Variants in ZNF365 observed in about 807,000 individuals in gnomAD.
ZNF365 encodes protein ZNF365.
In ZNF365, 22 loss-of-function variants were observed where a neutral mutation model predicts 35.0. The ratio of observed to expected loss-of-function variants is 0.63; its 90% CI spans 0.45 to 0.90. The LOEUF is 0.90. Ranked by LOEUF, ZNF365 falls within the 40% of genes least tolerant of loss-of-function variation. ZNF365 has a pLI of 0.00. For missense variants in ZNF365, 448 were observed against 500.3 expected, an observed-to-expected ratio of 0.90 and a Z score of 1.00; for synonymous variants, 188 against 196.2, an observed-to-expected ratio of 0.96 and a Z score of 0.35.
chr10:62,451,465 G>T (rs1049776892), intron 3 of ZNF365, among the ~76,000 whole-genome samples: 1 of 152,050 alleles, frequency 6.6e-6, no homozygotes, highest in Admixed American at 6.6e-5. Flanking sequence ...TGAGGGTTAG[G>T]GCTGGTGGTA....
At chr10:62,469,681 TTAA>T (rs1841001718) in intron 4 of ZNF365, among the ~76,000 whole-genome samples, 1 of 152,190 alleles carries the variant, frequency 6.6e-6, no homozygotes, top group East Asian at 1.9e-4. Flanking sequence ...TTATATAATA[TTAA>T]TAATAATGGT....
intron 2 of ZNF365, among the ~76,000 whole-genome samples, chr10:62,387,503 A>C (rs10995139): frequency 0.5 from 76,017 of 152,038 alleles, 22,392 homozygotes; most frequent in East Asian, 0.78. Context: ...AAATGAAAGC[A>C]AAATATAAGA....
At chr10:62,427,290 T>G (rs1031579304) in intron 3 of ZNF365, among the ~76,000 whole-genome samples, 4 of 152,208 alleles carry the variant, frequency 2.6e-5, no homozygotes, top group African/African-American at 9.6e-5. Flanking sequence ...ATTTTTACTG[T>G]ACCTTTAGTA....
chr10:62,381,914 A>T (rs1839446071), intron 2 of ZNF365, among the ~76,000 whole-genome samples: 1 of 152,174 alleles, frequency 6.6e-6, no homozygotes, highest in African/African-American at 2.4e-5. Context: ...CATGCAGAAG[A>T]CAAATCTTTA....
At chr10:62,422,150 C>A (rs1202164269) in intron 3 of ZNF365, among the ~76,000 whole-genome samples, 1 of 151,970 alleles carries the variant, frequency 6.6e-6, no homozygotes, top group Non-Finnish European at 1.5e-5. Context: ...TAGGAAGGAA[C>A]CAGTATTTTA....
chr10:62,379,168 G>A (rs979155310), intron 2 of ZNF365, among the ~76,000 whole-genome samples: 4 of 151,884 alleles, frequency 2.6e-5, no homozygotes, highest in Non-Finnish European at 4.4e-5. Flanking sequence ...GGTTACAGGC[G>A]CCCACCACTG....
At chr10:62,457,414 A>T (rs548891525) in intron 3 of ZNF365, among the ~76,000 whole-genome samples, 1 of 152,364 alleles carries the variant, frequency 6.6e-6, no homozygotes, top group Admixed American at 6.5e-5. Flanking sequence ...ACTTTGGCCT[A>T]GACCTAGGTC....
chr10:62,384,626 T>C (rs1839496008), intron 2 of ZNF365, among the ~76,000 whole-genome samples: 1 of 152,190 alleles, frequency 6.6e-6, no homozygotes, highest in Non-Finnish European at 1.5e-5. Context: ...GAAGAAAATC[T>C]AGTCTCCCAC....
chr10:62,476,639 C>T (rs771076720), intron 4 of ZNF365, among the ~76,000 whole-genome samples: 1 of 152,214 alleles, frequency 6.6e-6, no homozygotes, highest in Non-Finnish European at 1.5e-5. Flanking sequence ...ATAGGTTTCT[C>T]TAATTCTTCT....
chr10:62,459,425 C>T (rs1426952212), intron 3 of ZNF365, among the ~76,000 whole-genome samples: 1 of 152,200 alleles, frequency 6.6e-6, no homozygotes, highest in Non-Finnish European at 1.5e-5. Flanking sequence ...TGGAAAATTA[C>T]ACCCAGATGG....
intron 3 of ZNF365, among the ~76,000 whole-genome samples, chr10:62,414,223 A>G (rs1012732536): frequency 3.3e-5 from 5 of 151,872 alleles, no homozygotes; most frequent in African/African-American, 1.2e-4. Flanking sequence ...TTTCTTAGAC[A>G]GAATCTCTTT....
At chr10:62,385,167 G>GT (rs900424883) in intron 2 of ZNF365, among the ~76,000 whole-genome samples, 15 of 152,008 alleles carry the variant, frequency 9.9e-5, no homozygotes, top group African/African-American at 2.7e-4. Context: ...TGTTTTAACT[G>GT]TTTTTTTCCA....
chr10:62,438,544 A>T (rs780165359), intron 3 of ZNF365, among the ~76,000 whole-genome samples: 7 of 152,132 alleles, frequency 4.6e-5, no homozygotes, highest in Non-Finnish European at 8.8e-5. Context: ...ACAAACACAT[A>T]CATAAAGTAA....
intron 3 of ZNF365, among the ~76,000 whole-genome samples, chr10:62,441,149 T>C (rs1398449114): frequency 1.3e-5 from 2 of 152,170 alleles, no homozygotes; most frequent in Admixed American, 1.3e-4. Flanking sequence ...CCCCATTTTA[T>C]AGATAAGAAA....
At chr10:62,380,399 A>C (rs1375569376) in intron 2 of ZNF365, among the ~76,000 whole-genome samples, 1 of 152,228 alleles carries the variant, frequency 6.6e-6, no homozygotes, top group African/African-American at 2.4e-5. Flanking sequence ...TACTTTAAGA[A>C]TACAGATATG....
chr10:62,458,069 A>G (rs1840788977), intron 3 of ZNF365, among the ~76,000 whole-genome samples: 1 of 152,214 alleles, frequency 6.6e-6, no homozygotes, highest in Non-Finnish European at 1.5e-5. Context: ...CTCCATCTGT[A>G]TGCATGGGAA....
chr10:62,377,016 G>A (rs1839349259), intron 2 of ZNF365, 80 bp downstream of exon 2: 1 of 1,512,760 alleles, frequency 6.6e-7, no homozygotes, highest in Non-Finnish European at 8.8e-7. Context: ...TGCTAAGCAA[G>A]GTTGATTTTT....
rs1840567903 is a variant in ZNF365, at chr10:62,445,273, TC to T, written c.925-14466del. 2.0e-5 allele frequency among the ~76,000 whole-genome samples: 3 copies of T among 151,524 alleles called. No individual in the cohort carries two copies. In the South Asian group the frequency reaches 6.3e-4, roughly 32 times the overall value. On this transcript the variant is annotated intron_variant, in intron 3 of 4. Coordinates refer to the ZNF365 transcript ENST00000395255. ...GTCTTTATAGCAGCATGATTTATAGTCCTTTGGGTATATACCCAGTAATGGG... is the reference window on the plus strand; with the variant it reads ...GTCTTTATAGCAGCATGATTTATAGTCTTTGGGTATATACCCAGTAATGGG...
chr10:62,420,992 T>G (rs1840158794), intron 3 of ZNF365, among the ~76,000 whole-genome samples: 2 of 150,932 alleles, frequency 1.3e-5, no homozygotes, highest in Middle Eastern at 3.4e-3. Context: ...TTTTTTTAAC[T>G]GAACACTGAC....
Sources: gnomAD v4.1 joint callset for allele counts (sites outside exome capture counted in the v4.1 genomes callset) on GRCh38, gnomAD v4.1.1 for gene constraint, MANE v1.5 for transcripts, NCBI Gene and HGNC (gene_info 2026-07-23, HGNC 2026-07-21) for gene names.